Variants in SGK1 observed in about 807,000 individuals in gnomAD.
The protein encoded by SGK1 is serine/threonine-protein kinase Sgk1.
In SGK1, 26 loss-of-function variants were observed where a neutral mutation model predicts 64.2. That is an observed-to-expected ratio of 0.40 (90% confidence interval 0.30 to 0.56). The LOEUF is 0.56. Among genes scored for constraint, SGK1 ranks in the 20% least tolerant of loss-of-function variants. The probability of loss-of-function intolerance (pLI) is 0.38; values close to 1 mark genes in which losing one functional copy is unlikely to be tolerated. For synonymous variants in SGK1, 265 were observed against 239.7 expected (o/e 1.11, Z -0.98); for missense variants, 519 against 645.6 (o/e 0.80, Z 2.12).
At chr6:134,193,844 G>A (rs1360015689) in intron 3 of SGK1, among the ~76,000 whole-genome samples, 102 of 80,514 alleles carry the variant, frequency 1.3e-3, no homozygotes, top group East Asian at 2.2e-3. Context: ...GAAGGGGAGG[G>A]GAGGGGAGGG....
intron 1 of SGK1, among the ~76,000 whole-genome samples, chr6:134,287,801 T>C (rs933302225): frequency 9.8e-5 from 15 of 152,300 alleles, no homozygotes; most frequent in African/African-American, 3.4e-4. Flanking sequence ...AATTTTGTAC[T>C]ATGCAAGAGA....
intron 3 of SGK1, among the ~76,000 whole-genome samples, chr6:134,202,500 G>A (rs1775701837): frequency 6.6e-6 from 1 of 151,992 alleles, no homozygotes; most frequent in South Asian, 2.1e-4. Context: ...AATTAGCCAG[G>A]CATGGTGGCA....
chr6:134,170,245 T>A lies in SGK1; in HGVS notation c.*23A>T, dbSNP rs527777726. 6.3e-7 allele frequency: 1 copy of A among 1,577,972 alleles called. No individual in the cohort carries two copies. Among genetic ancestry groups the A allele is most frequent in the Admixed American group, 1.8e-5 (1 of 55,978 alleles). On this transcript the variant is annotated 3_prime_UTR_variant, in exon 14 of 14. Transcript: ENST00000367858. ...CATTCGGAAACACACATAAAATCCTTTAAAACCAAGCCCTAACAGGGTTCA... is the reference window on the plus strand; with the variant it reads ...CATTCGGAAACACACATAAAATCCTATAAAACCAAGCCCTAACAGGGTTCA...
Position 134,265,804 on chromosome 6 carries a change from T to C in SGK1, c.70-3656A>G, listed in dbSNP as rs567093358. ...TATCAGAATCATAAATGTATATATA[T>C]ATATACATTTCTTTAAAAAATAGAG... On this transcript the variant is annotated intron_variant, in intron 1 of 13. Coordinates refer to ENST00000367858, the MANE Select transcript of SGK1 (RefSeq NM_001143676.3). Among the ~76,000 whole-genome samples, 16 of 150,874 alleles carry C rather than the reference T, an allele frequency of 1.1e-4. No homozygotes were observed. The South Asian group carries it at 3.1e-3, about 29-fold the overall frequency.
At chr6:134,242,988 T>G (rs1776471882) in intron 2 of SGK1, among the ~76,000 whole-genome samples, 1 of 151,572 alleles carries the variant, frequency 6.6e-6, no homozygotes, top group African/African-American at 2.4e-5. Flanking sequence ...ATAGAATCAA[T>G]GATAATGAAT....
chr6:134,207,180 T>C (rs1027586549), intron 3 of SGK1, among the ~76,000 whole-genome samples, 176 bp downstream of exon 3: 3 of 151,752 alleles, frequency 2.0e-5, no homozygotes, highest in Admixed American at 6.6e-5. Flanking sequence ...GAGCTGAGAT[T>C]GCGCCACTGC....
intron 1 of SGK1, among the ~76,000 whole-genome samples, chr6:134,270,534 A>G (rs1776923238): frequency 6.7e-6 from 1 of 148,318 alleles, no homozygotes; most frequent in Admixed American, 6.9e-5. Context: ...ATTTCTCTTT[A>G]ACACGCAAGA....
At chr6:134,189,629 G>A (rs1219655068) in intron 3 of SGK1, among the ~76,000 whole-genome samples, 6 of 152,118 alleles carry the variant, frequency 3.9e-5, no homozygotes, top group African/African-American at 1.4e-4. Context: ...AACTCATAAA[G>A]TGTTGCTTAA....
At chr6:134,261,892 AT>A in intron 2 of SGK1, 40 bp downstream of exon 2, 1 of 1,477,940 alleles carries the variant, frequency 6.8e-7, no homozygotes, top group Non-Finnish European at 9.5e-7. Flanking sequence ...AAGGCCCAGA[AT>A]TTTTCCAGGA....
At chr6:134,246,068 A>C (rs1423064790) in intron 2 of SGK1, among the ~76,000 whole-genome samples, 1 of 152,234 alleles carries the variant, frequency 6.6e-6, no homozygotes. Context: ...GACCACGTAA[A>C]GGGTAGTAGT....
Position 134,213,118 on chromosome 6 carries a change from G to A in SGK1, c.286-5687C>T, listed in dbSNP as rs563785952. On this transcript the variant is annotated intron_variant, in intron 2 of 13. Transcript: ENST00000367858. ...GGAGAGCTCATATAGTAAATTTTAAGCACAAGTTTATAGAAATCCTTGAAC... is the reference window on the plus strand; with the variant it reads ...GGAGAGCTCATATAGTAAATTTTAAACACAAGTTTATAGAAATCCTTGAAC... 2.0e-5 allele frequency among the ~76,000 whole-genome samples: 3 copies of A among 152,190 alleles called. No individual in the cohort carries two copies. In the South Asian group the frequency reaches 6.2e-4, roughly 32 times the overall value.
At chr6:134,185,927 T>C (rs373467845) in intron 3 of SGK1, among the ~76,000 whole-genome samples, 18 of 152,202 alleles carry the variant, frequency 1.2e-4, no homozygotes, top group East Asian at 1.2e-3. Context: ...CGGTTCTATC[T>C]AGGCTCCCAA....
chr6:134,209,868 G>C (rs1775858758), intron 2 of SGK1, among the ~76,000 whole-genome samples: 1 of 152,106 alleles, frequency 6.6e-6, no homozygotes, highest in Non-Finnish European at 1.5e-5. Flanking sequence ...GTAGAGATGG[G>C]GTTTTGCCAT....
At chr6:134,291,002 G>A (rs936102924) in intron 1 of SGK1, among the ~76,000 whole-genome samples, 10 of 152,212 alleles carry the variant, frequency 6.6e-5, no homozygotes, top group African/African-American at 2.4e-4. Context: ...GAGAAGGCAG[G>A]AAAGGTTGCT....
intron 3 of SGK1, among the ~76,000 whole-genome samples, chr6:134,193,087 C>T (rs1775540899): frequency 6.6e-6 from 1 of 152,164 alleles, no homozygotes; most frequent in African/African-American, 2.4e-5. Context: ...ATCTTCTTTT[C>T]CATTTATTTT....
intron 1 of SGK1, among the ~76,000 whole-genome samples, chr6:134,281,378 G>A (rs896432968): frequency 6.6e-6 from 1 of 152,082 alleles, no homozygotes; most frequent in Non-Finnish European, 1.5e-5. Context: ...GTAACAAGTG[G>A]TAAGGATGAG....
intron 1 of SGK1, among the ~76,000 whole-genome samples, chr6:134,268,501 T>C: frequency 6.6e-6 from 1 of 151,556 alleles, no homozygotes; most frequent in African/African-American, 2.4e-5. Flanking sequence ...GGCGGGCGGA[T>C]CACGAGGTCA....
chr6:134,175,914 A>T, intron 3 of SGK1: 43 of 923,268 alleles, frequency 4.7e-5, no homozygotes, highest in East Asian at 2.1e-4. Context: ...GAAAAGGGGG[A>T]GGGAGAGGTC....
Position 134,170,244 on chromosome 6 carries a change from T to C in SGK1, c.*24A>G. On this transcript the variant is annotated 3_prime_UTR_variant, in exon 14 of 14. Coordinates refer to ENST00000367858, the MANE Select transcript of SGK1 (RefSeq NM_001143676.3). ...ACATTCGGAAACACACATAAAATCCTTTAAAACCAAGCCCTAACAGGGTTC... is the reference window on the plus strand; with the variant it reads ...ACATTCGGAAACACACATAAAATCCCTTAAAACCAAGCCCTAACAGGGTTC... 1 of 1,578,114 alleles carries C rather than the reference T, an allele frequency of 6.3e-7. No homozygotes were observed. Among genetic ancestry groups the C allele is most frequent in the South Asian group, 1.1e-5 (1 of 89,118 alleles).
Sources: gnomAD v4.1 joint callset for allele counts (sites outside exome capture counted in the v4.1 genomes callset) on GRCh38, gnomAD v4.1.1 for gene constraint, MANE v1.5 for transcripts, NCBI Gene and HGNC (gene_info 2026-07-23, HGNC 2026-07-21) for gene names.